CDH5: variants seen among roughly 807,000 people sequenced by gnomAD.
CDH5 encodes the protein cadherin-5.
A neutral mutation model predicts 62.0 loss-of-function variants in CDH5; 28 were observed. That is an observed-to-expected ratio of 0.45 (90% CI 0.33 to 0.62). CDH5 has a LOEUF of 0.62. Among genes scored for constraint, CDH5 ranks in the 20% least tolerant of loss-of-function variants. The pLI, the probability that CDH5 is intolerant of heterozygous loss-of-function variation, is 0.02. For missense variants in CDH5, 940 were observed against 1,065.1 expected, an observed-to-expected ratio of 0.88 and a Z score of 1.63; for synonymous variants, 464 against 445.8, an observed-to-expected ratio of 1.04 and a Z score of -0.52.
At position 66,374,954 on chromosome 16, in the gene CDH5, C is replaced by G. The variant is rs538247315; in HGVS notation, c.-19-4365C>G. Reference sequence around the variant, plus strand: ...TAATGCTATCCCTCCCCTCTCCCCCCACCCCACGACAGGCCCCGGTGTGTG... The same window carrying G: ...TAATGCTATCCCTCCCCTCTCCCCCGACCCCACGACAGGCCCCGGTGTGTG... On this transcript the variant is annotated intron_variant, in intron 1 of 11. Coordinates refer to ENST00000341529, the MANE Select transcript of CDH5 (RefSeq NM_001795.5). Among the ~76,000 whole-genome samples the G allele has an allele frequency of 1.3e-4, 20 of 152,212 alleles. No individual in the cohort carries two copies. The East Asian group carries it at 1.4e-3, about 10-fold the overall frequency.
At chr16:66,394,442 AT>A (rs1436075115) in intron 7 of CDH5, among the ~76,000 whole-genome samples, 1 of 151,898 alleles carries the variant, frequency 6.6e-6, no homozygotes, top group Non-Finnish European at 1.5e-5. Flanking sequence ...ACCTATTTAC[AT>A]TTTTCATCAT....
chr16:66,399,738 T>C (rs1302113709), intron 10 of CDH5, among the ~76,000 whole-genome samples: 1 of 152,222 alleles, frequency 6.6e-6, no homozygotes, highest in Non-Finnish European at 1.5e-5. Flanking sequence ...GACACCCATA[T>C]ACAATAGGAG....
At chr16:66,395,922 A>G in intron 7 of CDH5, 137 bp from the exon 8 acceptor site, 1 of 774,676 alleles carries the variant, frequency 1.3e-6, no homozygotes, top group Non-Finnish European at 2.1e-6. Context: ...TCTGAGTGGC[A>G]GAGTGCAATG....
rs1432343562 is a variant in CDH5 at position 66,379,354 on chromosome 16, T to C, written c.17T>C (p.Met6Thr). The C allele has an allele frequency of 1.2e-6, 2 of 1,611,140 alleles. No individual in the cohort carries two copies. Among genetic ancestry groups the C allele is most frequent in the South Asian group, 1.1e-5 (1 of 90,940 alleles). Residue 6 changes from methionine to threonine, a missense_variant, in exon 2 of 12, where the codon ATG becomes ACG. Met to Thr is a moderately conservative substitution (Grantham distance 81). Coordinates refer to ENST00000341529, the MANE Select transcript of CDH5 (RefSeq NM_001795.5). Reference protein sequence around the residue: MQRLMMLLATSGACLG... With the variant: MQRLMTLLATSGACLG... ...CCTGGGAAGATGCAGAGGCTCATGA[T>C]GCTCCTCGCCACATCGGGCGCCTGC... is the stretch of plus-strand genomic sequence containing the variant.
intron 2 of CDH5, among the ~76,000 whole-genome samples, chr16:66,386,060 A>G (rs1339427705): frequency 6.6e-6 from 1 of 152,244 alleles, no homozygotes; most frequent in Non-Finnish European, 1.5e-5. Flanking sequence ...TCCATTTTAC[A>G]AATGAGGCAA....
At chr16:66,376,957 G>A (rs920207817) in intron 1 of CDH5, among the ~76,000 whole-genome samples, 3 of 152,148 alleles carry the variant, frequency 2.0e-5, no homozygotes, top group African/African-American at 7.2e-5. Context: ...GAGCCTGGGC[G>A]CTCACCCTGT....
intron 4 of CDH5, 75 bp from the exon 5 acceptor site, chr16:66,389,283 C>A: frequency 6.9e-7 from 1 of 1,448,504 alleles, no homozygotes; most frequent in South Asian, 1.3e-5. Context: ...AAGTCAGGTT[C>A]TCTCTGGGCA....
intron 2 of CDH5, 95 bp from the exon 3 acceptor site, chr16:66,386,714 T>C: frequency 8.7e-7 from 1 of 1,145,596 alleles, no homozygotes; most frequent in Non-Finnish European, 1.3e-6. Flanking sequence ...CATACACACA[T>C]GCACAGGCAC....
intron 1 of CDH5, 184 bp from the exon 2 acceptor site, chr16:66,379,135 C>T (rs903943474): frequency 2.2e-5 from 12 of 545,518 alleles, no homozygotes; most frequent in Admixed American, 1.5e-4. Context: ...GTCCTAAAAC[C>T]GACCTTTCAT....
chr16:66,374,574 A>G (rs1244502904), intron 1 of CDH5, among the ~76,000 whole-genome samples: 1 of 152,022 alleles, frequency 6.6e-6, no homozygotes, highest in African/African-American at 2.4e-5. Flanking sequence ...ACGCTTTGTT[A>G]TGTGGGGCCA....
Position 66,379,133 on chromosome 16 carries a change from A to AC in CDH5, c.-19-184dup, listed in dbSNP as rs755808816. The AC allele has an allele frequency of 3.5e-4, 190 of 547,286 alleles. 1 individual carries two copies. In the Middle Eastern group the frequency reaches 6.0e-3, roughly 17 times the overall value. The allele number at this position is 547,286 out of a possible 1,614,324, so 33.9% of individuals were successfully genotyped here. A position where few individuals can be genotyped will look rare whatever the true frequency, so the allele number is the denominator to read the frequency against. On this transcript the variant is annotated intron_variant, in intron 1 of 11. Coordinates refer to ENST00000341529, the MANE Select transcript of CDH5 (RefSeq NM_001795.5). Reference sequence around the variant, plus strand: ...GCTTGTTTACTCATGTTGTCCTAAAACCGACCTTTCATCCGAGTGCATGAC... The same window carrying AC: ...GCTTGTTTACTCATGTTGTCCTAAAACCCGACCTTTCATCCGAGTGCATGAC...
chr16:66,389,599 A>G, intron 5 of CDH5, 77 bp downstream of exon 5: 1 of 1,292,110 alleles, frequency 7.7e-7, no homozygotes, highest in Non-Finnish European at 1.0e-6. Flanking sequence ...CTGGGAAAAG[A>G]GTTACAAATC....
chr16:66,388,289 C>T (rs1961021425), intron 3 of CDH5, 35 bp from the exon 4 acceptor site: 3 of 1,404,156 alleles, frequency 2.1e-6, no homozygotes, highest in Admixed American at 1.7e-5. Context: ...GCCTAGCAGT[C>T]ACAAGTCAGC....
intron 8 of CDH5, among the ~76,000 whole-genome samples, chr16:66,397,097 T>C (rs1363181866): frequency 6.6e-6 from 1 of 152,234 alleles, no homozygotes; most frequent in Non-Finnish European, 1.5e-5. Context: ...CATTCATGTA[T>C]TTTTATTTTT....
At chr16:66,378,191 C>CA (rs1254716152) in intron 1 of CDH5, among the ~76,000 whole-genome samples, 1 of 152,160 alleles carries the variant, frequency 6.6e-6, no homozygotes, top group Non-Finnish European at 1.5e-5. Flanking sequence ...AGAATCAAGG[C>CA]AAAATTGTCA....
chr16:66,386,631 A>C (rs544862934), intron 2 of CDH5, among the ~76,000 whole-genome samples, 178 bp from the exon 3 acceptor site: 2 of 152,028 alleles, frequency 1.3e-5, no homozygotes, highest in African/African-American at 4.8e-5. Flanking sequence ...ATTCTTTTTT[A>C]TGGCTGCCAG....
At chr16:66,392,068 G>T in intron 6 of CDH5, 68 bp from the exon 7 acceptor site, 2 of 1,593,464 alleles carry the variant, frequency 1.3e-6, no homozygotes, top group South Asian at 2.2e-5. Context: ...CATAGTTGCT[G>T]TGCAGATCAT....
chr16:66,398,656 C>G, intron 10 of CDH5, 95 bp downstream of exon 10: 1 of 686,750 alleles, frequency 1.5e-6, no homozygotes, highest in South Asian at 1.6e-5. Context: ...CGCTTGAGCC[C>G]AGGAGTTTGA....
At chr16:66,394,043 GT>G (rs929950771) in intron 7 of CDH5, among the ~76,000 whole-genome samples, 1 of 151,722 alleles carries the variant, frequency 6.6e-6, no homozygotes, top group South Asian at 2.1e-4. Flanking sequence ...GTCATAGGGT[GT>G]TTTTTTTGTT....
Sources: allele counts gnomAD v4.1 joint callset (sites outside exome capture counted in the v4.1 genomes callset), GRCh38; gene constraint gnomAD v4.1.1; transcripts MANE v1.5; gene names NCBI Gene and HGNC (gene_info 2026-07-23, HGNC 2026-07-21).